TRAM2: variants seen among roughly 807,000 people sequenced by gnomAD.
The protein encoded by TRAM2 is translocation associated membrane protein 2.
Under a neutral mutation model 51.0 loss-of-function variants are expected in TRAM2, and 12 were observed. The observed-to-expected ratio is 0.24, with a 90% confidence interval of 0.15 to 0.38. TRAM2 has a LOEUF of 0.38. Ranked by LOEUF, TRAM2 falls within the 10% of genes least tolerant of loss-of-function variation. The pLI is 1.00. For synonymous variants in TRAM2, 175 were observed against 179.4 expected (o/e 0.98, Z 0.20); for missense variants, 361 against 462.0 (o/e 0.78, Z 2.00).
At chr6:52,576,611 G>A (rs1767770228) in intron 1 of TRAM2, among the ~76,000 whole-genome samples, 185 bp downstream of exon 1, 1 of 152,192 alleles carries the variant, frequency 6.6e-6, no homozygotes, top group Admixed American at 6.5e-5. Flanking sequence ...CGGAGCTGGG[G>A]GTGCTGTCTG....
intron 2 of TRAM2, among the ~76,000 whole-genome samples, chr6:52,519,484 A>G (rs1766623920): frequency 6.6e-6 from 1 of 152,252 alleles, no homozygotes; most frequent in African/African-American, 2.4e-5. Context: ...AGCAAAAAAC[A>G]GAAAAACAAC....
chr6:52,547,378 G>A (rs1182063298), intron 1 of TRAM2, among the ~76,000 whole-genome samples: 2 of 152,132 alleles, frequency 1.3e-5, no homozygotes, highest in African/African-American at 4.8e-5. Context: ...TTAAGACCAC[G>A]CCCTTTCTCA....
intron 1 of TRAM2, among the ~76,000 whole-genome samples, chr6:52,542,262 GT>G (rs372948940): frequency 2.9e-4 from 43 of 146,728 alleles, no homozygotes; most frequent in Non-Finnish European, 4.1e-4. Flanking sequence ...AGATTTTTGG[GT>G]TTTTTTTTTT....
chr6:52,535,465 G>A lies in TRAM2; in HGVS notation c.184+318C>T, dbSNP rs1766962734. Among the ~76,000 whole-genome samples the A allele has an allele frequency of 2.0e-5, 3 of 152,250 alleles. No individual in the cohort carries two copies. The South Asian group carries it at 6.2e-4, about 32-fold the overall frequency. ...TGGGAGGCCAAGGCAGGTAGATCAC[G>A]AGGTCACGAGTTCGAGACCAGCCTG... On this transcript the variant is annotated intron_variant, in intron 2 of 10. Coordinates refer to ENST00000182527, the MANE Select transcript of TRAM2 (RefSeq NM_012288.4).
intron 1 of TRAM2, among the ~76,000 whole-genome samples, chr6:52,575,760 G>A (rs888751634): frequency 2.6e-5 from 4 of 152,320 alleles, no homozygotes; most frequent in South Asian, 4.1e-4. Context: ...CAGAAGGGAG[G>A]ACAAGGAGTC....
At chr6:52,510,867 C>CA (rs1241540299) in intron 4 of TRAM2, among the ~76,000 whole-genome samples, 1 of 152,174 alleles carries the variant, frequency 6.6e-6, no homozygotes, top group Non-Finnish European at 1.5e-5. Flanking sequence ...TCCAAGAGTA[C>CA]AAAGCATGGG....
chr6:52,574,715 G>C (rs574957445), intron 1 of TRAM2, among the ~76,000 whole-genome samples: 2 of 152,182 alleles, frequency 1.3e-5, no homozygotes, highest in South Asian at 4.1e-4. Context: ...TCTTTCACCA[G>C]ATACTGGAAG....
intron 1 of TRAM2, among the ~76,000 whole-genome samples, chr6:52,543,287 A>G (rs891935013): frequency 1.3e-5 from 2 of 152,240 alleles, no homozygotes; most frequent in African/African-American, 4.8e-5. Context: ...TCTGGATAGC[A>G]TAGCATACTC....
chr6:52,521,246 A>G (rs1393797648), intron 2 of TRAM2, among the ~76,000 whole-genome samples: 1 of 152,040 alleles, frequency 6.6e-6, no homozygotes, highest in Non-Finnish European at 1.5e-5. Context: ...GGAAAGTAGT[A>G]GGTTGGTGCA....
intron 2 of TRAM2, among the ~76,000 whole-genome samples, chr6:52,529,138 G>A (rs1028808165): frequency 3.3e-5 from 5 of 152,002 alleles, no homozygotes; most frequent in South Asian, 2.1e-4. Context: ...TGATCCGCCC[G>A]CCTCGGCCTC....
At chr6:52,558,439 A>G (rs1767446284) in intron 1 of TRAM2, among the ~76,000 whole-genome samples, 1 of 152,206 alleles carries the variant, frequency 6.6e-6, no homozygotes, top group Non-Finnish European at 1.5e-5. Context: ...GCAGCTGCTC[A>G]ATAACTGTGG....
At position 52,499,892 on chromosome 6, in the gene TRAM2, G is replaced by C. The variant is rs1316293498; in HGVS notation, c.*3305C>G. On this transcript the variant is annotated 3_prime_UTR_variant, in exon 11 of 11. Transcript: ENST00000182527. ...AGCAGATCCCCCGCCGGCTCAGCCTGCTCCCCTCTCACCCAGAACCATCCC... is the reference window on the plus strand; with the variant it reads ...AGCAGATCCCCCGCCGGCTCAGCCTCCTCCCCTCTCACCCAGAACCATCCC... 6.6e-6 allele frequency: 1 copy of C among 152,288 alleles called. No individual in the cohort carries two copies. Among genetic ancestry groups the C allele is most frequent in the Non-Finnish European group, 1.5e-5 (1 of 68,114 alleles). 9.4% of individuals were successfully genotyped at this position (152,288 alleles called of 1,614,324 possible). A position where few individuals can be genotyped will look rare whatever the true frequency, so the allele number is the denominator to read the frequency against.
At chr6:52,565,621 C>T (rs1767578003) in intron 1 of TRAM2, among the ~76,000 whole-genome samples, 1 of 152,162 alleles carries the variant, frequency 6.6e-6, no homozygotes, top group Admixed American at 6.5e-5. Context: ...TCTAGGGGGT[C>T]TGGCAAAAGT....
chr6:52,506,782 CAG>C (rs1323165400), intron 7 of TRAM2, among the ~76,000 whole-genome samples: 1 of 152,144 alleles, frequency 6.6e-6, no homozygotes, highest in African/African-American at 2.4e-5. Context: ...AGACAGGAGA[CAG>C]AGTTTGAGAG....
intron 7 of TRAM2, 24 bp downstream of exon 7, chr6:52,507,529 G>A (rs371659573): frequency 1.2e-6 from 2 of 1,612,954 alleles, no homozygotes; most frequent in Non-Finnish European, 1.7e-6. Flanking sequence ...AAGGAAATCT[G>A]GCTGGCTCCA....
intron 1 of TRAM2, among the ~76,000 whole-genome samples, chr6:52,563,694 C>CAAA (rs556665738): frequency 7.0e-4 from 54 of 77,214 alleles, no homozygotes; most frequent in East Asian, 2.3e-3. Flanking sequence ...GACTCAGCCT[C>CAAA]AAAAAAAAAA....
chr6:52,523,099 G>C (rs1389727198), intron 2 of TRAM2: 4 of 470,044 alleles, frequency 8.5e-6, no homozygotes, highest in Non-Finnish European at 1.5e-5. Flanking sequence ...GAGCATCACT[G>C]TACTCCTAGT....
intron 1 of TRAM2, among the ~76,000 whole-genome samples, chr6:52,547,813 C>A (rs563815181): frequency 6.6e-6 from 1 of 152,360 alleles, no homozygotes; most frequent in Non-Finnish European, 1.5e-5. Context: ...GCTGGACTGA[C>A]AGAGTTCAGA....
Position 52,573,831 on chromosome 6 carries a change from G to A in TRAM2, c.120+2965C>T, listed in dbSNP as rs185568882. Among the ~76,000 whole-genome samples, 179 of 152,302 alleles carry A rather than the reference G, an allele frequency of 1.2e-3. 2 individuals carry two copies. The highest frequency in any genetic ancestry group is 3.8e-3 in the African/African-American group (156 of 41,578). ...GCAGGGATGCAATGCAGACACAAGG[G>A]CTGTGGCTGCCTGGCGCGTGGGCTG... On this transcript the variant is annotated intron_variant, in intron 1 of 10. Coordinates refer to ENST00000182527, the MANE Select transcript of TRAM2 (RefSeq NM_012288.4).
Sources: allele counts gnomAD v4.1 joint callset (sites outside exome capture counted in the v4.1 genomes callset), GRCh38; gene constraint gnomAD v4.1.1; transcripts MANE v1.5; gene names NCBI Gene and HGNC (gene_info 2026-07-23, HGNC 2026-07-21).